Variants in DST observed in about 807,000 individuals in gnomAD.
The protein encoded by DST is dystonin.
A neutral mutation model predicts 875.2 loss-of-function variants in DST; 253 were observed. The ratio of observed to expected loss-of-function variants is 0.29; its 90% CI spans 0.26 to 0.32. DST has a LOEUF of 0.32. Among genes scored for constraint, DST ranks in the 10% least tolerant of loss-of-function variants. DST has a pLI of 1.00. For synonymous variants in DST, 3,124 were observed against 3,197.1 expected (o/e 0.98, Z 0.77); for missense variants, 8,287 against 9,111.6 (o/e 0.91, Z 3.68).
At chr6:56,593,392 C>G (rs183485268) in intron 48 of DST, among the ~76,000 whole-genome samples, 1 of 151,776 alleles carries the variant, frequency 6.6e-6, no homozygotes, top group African/African-American at 2.4e-5. Context: ...GGGTACATGC[C>G]TGTAGTCCCA....
intron 4 of DST, among the ~76,000 whole-genome samples, chr6:56,752,127 T>C (rs1368042160): frequency 6.6e-6 from 1 of 151,860 alleles, no homozygotes; most frequent in Non-Finnish European, 1.5e-5. Flanking sequence ...AAGGTAGCAT[T>C]CCATTCAGTC....
chr6:56,590,886 T>C (rs1171586784), intron 49 of DST, among the ~76,000 whole-genome samples: 1 of 152,228 alleles, frequency 6.6e-6, no homozygotes, highest in East Asian at 1.9e-4. Context: ...CACCCGGGTA[T>C]GACTTAGCTT....
intron 2 of DST, among the ~76,000 whole-genome samples, chr6:56,907,703 T>C (rs1797005719): frequency 6.6e-6 from 1 of 152,142 alleles, no homozygotes; most frequent in Non-Finnish European, 1.5e-5. Context: ...GTTGACTGAT[T>C]AAAACAAGAA....
intron 4 of DST, among the ~76,000 whole-genome samples, chr6:56,791,346 G>C (rs1376019231): frequency 6.6e-6 from 1 of 152,126 alleles, no homozygotes; most frequent in African/African-American, 2.4e-5. Flanking sequence ...TTGTAGGTGA[G>C]AGCAATTAGA....
intron 10 of DST, among the ~76,000 whole-genome samples, chr6:56,658,669 A>G (rs768195673): frequency 5.9e-5 from 9 of 152,108 alleles, no homozygotes; most frequent in Non-Finnish European, 1.2e-4. Flanking sequence ...CATAGAAATA[A>G]TTCTTCCCAG....
intron 4 of DST, among the ~76,000 whole-genome samples, chr6:56,819,519 T>C (rs1007151179): frequency 5.9e-5 from 9 of 152,200 alleles, no homozygotes; most frequent in African/African-American, 2.2e-4. Context: ...AAGTAATTTA[T>C]TAGGCCTCTT....
chr6:56,691,712 A>G (rs2099231315), intron 9 of DST, among the ~76,000 whole-genome samples: 1 of 152,026 alleles, frequency 6.6e-6, no homozygotes, highest in African/African-American at 2.4e-5. Context: ...AAAGCTAAAT[A>G]TCAGTGTTAG....
chr6:56,499,603 C>G (rs1401248961), intron 80 of DST, among the ~76,000 whole-genome samples: 1 of 151,958 alleles, frequency 6.6e-6, no homozygotes, highest in Non-Finnish European at 1.5e-5. Context: ...AATTTTATGT[C>G]CTCTAATTTT....
chr6:56,628,233 G>T lies in DST; in HGVS notation c.4476-72C>A, dbSNP rs547781407. 19 of 1,363,214 alleles carry T rather than the reference G, an allele frequency of 1.4e-5. No individual in the cohort carries two copies. The South Asian group carries it at 2.1e-4, about 15-fold the overall frequency. 84.4% of individuals were successfully genotyped at this position (1,363,214 alleles called of 1,614,324 possible). On this transcript the variant is annotated intron_variant, in intron 32 of 103. Transcript: ENST00000680361. ...CAGGAGGGTGGAAGATGTAGAGATG[G>T]GAGAGACAAAATAATTGGACTGCAA...
intron 82 of DST, among the ~76,000 whole-genome samples, chr6:56,496,650 C>T (rs2095916208): frequency 6.6e-6 from 1 of 152,074 alleles, no homozygotes; most frequent in Non-Finnish European, 1.5e-5. Context: ...ACCACCCATA[C>T]AGGCTTATTT....
chr6:56,624,935 G>A (rs931571672), intron 35 of DST, among the ~76,000 whole-genome samples: 1 of 152,088 alleles, frequency 6.6e-6, no homozygotes, highest in Admixed American at 6.5e-5. Context: ...TGTTCTGGGT[G>A]TAGACTTTCT....
Position 56,552,962 on chromosome 6 carries a change from T to C in DST, c.15830A>G (p.Glu5277Gly). ...AGATTCTTTGGAAACTTCTTGAAAT[T>C]CTTTAAACTTCTGAGTCATGTTCTC... ...CLENMTQKFK[E>G]FQEVSKESKR... The change falls in exon 61 of 104, where the codon GAA becomes GGA. Residue 5277 changes from glutamate to glycine, a missense_variant. This residue lies in a region of DST where 1,513 missense variants were observed against 1,677.8 expected (regional missense o/e 0.90). Coordinates refer to ENST00000680361, the MANE Select transcript of DST (RefSeq NM_001374736.1). The C allele has an allele frequency of 1.9e-6, 3 of 1,614,032 alleles. No homozygotes were observed. Among genetic ancestry groups the C allele is most frequent in the Non-Finnish European group, 1.7e-6 (2 of 1,179,898 alleles).
intron 98 of DST, chr6:56,467,449 A>G (rs994254988): frequency 5.3e-5 from 8 of 152,268 alleles, no homozygotes; most frequent in African/African-American, 1.9e-4. Context: ...ACTATTTCTA[A>G]ATCTTTTTTC....
Position 56,492,231 on chromosome 6 carries a change from T to A in DST, c.20753A>T (p.Lys6918Met). 1 of 1,613,582 alleles carries A rather than the reference T, an allele frequency of 6.2e-7. No homozygotes were observed. Among genetic ancestry groups the A allele is most frequent in the Non-Finnish European group, 8.5e-7 (1 of 1,179,680 alleles). The part of the protein sequence containing the change: ...RSLDDARKRA[K>M]QFHEAWSKLM... ...ATTTTTCTAAAGGGTTATTACCTGC[T>A]TGGCTCTCTTCCTTGCATCATCCAA... Residue 6918 changes from lysine (K) to methionine (M), a missense_variant, in exon 85 of 104, where the codon AAG becomes ATG. Lys to Met is a moderately conservative substitution (Grantham distance 95, BLOSUM62 -1). Transcript: ENST00000680361.
At chr6:56,653,138 T>G (rs892283226) in intron 10 of DST, among the ~76,000 whole-genome samples, 2 of 152,170 alleles carry the variant, frequency 1.3e-5, no homozygotes, top group Admixed American at 1.3e-4. Context: ...TGAGTAATCC[T>G]AGAGGGAATG....
chr6:56,637,108 C>CA (rs58866854), intron 22 of DST, among the ~76,000 whole-genome samples: 11,594 of 147,212 alleles, frequency 0.079, 1,410 homozygotes, highest in African/African-American at 0.26. Context: ...AACAAACAAA[C>CA]AAAAAAAAAA....
rs566839051 is a variant in DST at position 56,773,670 on chromosome 6, T to C, written c.626-38381A>G. On this transcript the variant is annotated intron_variant, in intron 4 of 103. Coordinates refer to ENST00000680361, the MANE Select transcript of DST (RefSeq NM_001374736.1). ...AGTGTTGCCAGATCACCTGCTTTTA[T>C]ACGAAGACCCTAAACTCTCTATTTT... is the stretch of plus-strand genomic sequence containing the variant. Among the ~76,000 whole-genome samples, 8 of 152,310 alleles carry C rather than the reference T, an allele frequency of 5.3e-5. No homozygotes were observed. The South Asian group carries it at 1.7e-3, about 32-fold the overall frequency.
intron 3 of DST, among the ~76,000 whole-genome samples, chr6:56,885,555 C>T (rs538934733): frequency 1.3e-5 from 2 of 152,186 alleles, no homozygotes; most frequent in African/African-American, 4.8e-5. Flanking sequence ...CCCAATATGA[C>T]AGTATTAAGA....
At chr6:56,476,659 A>C (rs1197418265) in intron 91 of DST, among the ~76,000 whole-genome samples, 1 of 152,218 alleles carries the variant, frequency 6.6e-6, no homozygotes. Context: ...GTAGAAATGT[A>C]AAAAGCTAAG....
Sources: allele counts gnomAD v4.1 joint callset (sites outside exome capture counted in the v4.1 genomes callset), GRCh38; gene constraint gnomAD v4.1.1; regional missense constraint gnomAD v4.1.1; transcripts MANE v1.5; gene names NCBI Gene and HGNC (gene_info 2026-07-23, HGNC 2026-07-21).